DPEP2: variants seen among roughly 807,000 people sequenced by gnomAD.
DPEP2 encodes dipeptidase 2.
DPEP2 carries 45 observed loss-of-function variants against 51.8 expected under a neutral mutation model. The ratio of observed to expected loss-of-function variants is 0.87; its 90% CI spans 0.68 to 1.11. DPEP2 has a LOEUF of 1.11. DPEP2 is among the 50% of genes most tolerant of loss of function. DPEP2 has a pLI of 0.00. For synonymous variants in DPEP2, 255 were observed against 262.7 expected (o/e 0.97, Z 0.28); for missense variants, 604 against 631.9 (o/e 0.96, Z 0.47).
intron 1 of DPEP2, chr16:67,994,218 G>T (rs2032526546): frequency 2.0e-6 from 2 of 985,440 alleles, no homozygotes; most frequent in South Asian, 4.7e-5. Context: ...CCTTGAGGAA[G>T]CCCCGGCCTC....
chr16:67,992,194 C>A lies in DPEP2; in HGVS notation c.391-1G>T, dbSNP rs1467251898. On this transcript the variant is annotated splice_acceptor_variant, in intron 3 of 10. Transcript: ENST00000393847. LOFTEE classifies it high-confidence loss of function. ...GGCATGGCACATAGGCTGACCAGAA[C>A]TGGGGGGAAGGCCAGGGTTTGGCTT... is the stretch of plus-strand genomic sequence containing the variant. 2 of 1,613,846 alleles carry A rather than the reference C, an allele frequency of 1.2e-6. No homozygotes were observed. Among genetic ancestry groups the A allele is most frequent in the South Asian group, 2.2e-5 (2 of 91,066 alleles).
intron 9 of DPEP2, 127 bp from the exon 10 acceptor site, chr16:67,988,114 A>G: frequency 8.5e-7 from 1 of 1,179,364 alleles, no homozygotes; most frequent in African/African-American, 1.5e-5. Context: ...GAGAGTAGGT[A>G]ATTCTCCTCT....
At chr16:67,997,242 A>G (rs1328071334) in intron 1 of DPEP2, among the ~76,000 whole-genome samples, 1 of 151,710 alleles carries the variant, frequency 6.6e-6, no homozygotes, top group Non-Finnish European at 1.5e-5. Flanking sequence ...CATGTTGGCC[A>G]GGCTGGTCTC....
At chr16:67,998,721 G>T (rs1388747206) in intron 1 of DPEP2, among the ~76,000 whole-genome samples, 1 of 152,226 alleles carries the variant, frequency 6.6e-6, no homozygotes, top group Non-Finnish European at 1.5e-5. Flanking sequence ...TCTAGCTCAG[G>T]ATTGTAAATA....
Position 67,987,890 on chromosome 16 carries a change from G to A in DPEP2, c.1168C>T (p.Arg390Cys), listed in dbSNP as rs769539400. The change falls in exon 10 of 11, where the codon CGT becomes TGT. Residue 390 changes from arginine (R) to cysteine (C), a missense_variant. Coordinates refer to ENST00000393847, the MANE Select transcript of DPEP2 (RefSeq NM_022355.4). ...WSEEELQGVLRGNLLRVFRQV... is the reference protein window; with the variant it reads ...WSEEELQGVLCGNLLRVFRQV... ...CTGAAGACCCGCAGCAGGTTTCCAC[G>A]AAGGACACCCTGAAGCTCTTCCTCA... The A allele has an allele frequency of 3.3e-5, 54 of 1,614,002 alleles. No homozygotes were observed. In the South Asian group the frequency reaches 4.2e-4, roughly 12 times the overall value.
intron 1 of DPEP2, chr16:67,993,829 C>T: frequency 2.0e-6 from 2 of 985,550 alleles, no homozygotes; most frequent in Non-Finnish European, 2.4e-6. Context: ...GGACTGGATT[C>T]AGGAAGGGGC....
rs781484778 is a variant in DPEP2, at chr16:67,992,112, G to A, written c.472C>T (p.Arg158Cys). 4.3e-6 allele frequency: 7 copies of A among 1,614,020 alleles called. No homozygotes were observed. Among genetic ancestry groups the A allele is most frequent in the African/African-American group, 2.7e-5 (2 of 74,902 alleles). ...AGCTCAGAATAGGAGGCACACATGC[G>A]GCGTATGAGGTCAATCTGCTCCAGG... ...LTLEQIDLIR[R>C]MCASYSELEL... Residue 158 changes from arginine to cysteine, a missense_variant, in exon 4 of 11, where the codon CGC (arginine) becomes TGC (cysteine). By Grantham distance (180) the Arg-to-Cys change is radical (BLOSUM62 -3). Coordinates refer to ENST00000393847, the MANE Select transcript of DPEP2 (RefSeq NM_022355.4).
chr16:67,990,251 T>G, intron 7 of DPEP2, 120 bp from the exon 8 acceptor site: 1 of 869,646 alleles, frequency 1.1e-6, no homozygotes, highest in Non-Finnish European at 1.8e-6. Flanking sequence ...CAGCAGAAAC[T>G]TCACCTCTCT....
intron 1 of DPEP2, among the ~76,000 whole-genome samples, chr16:67,997,538 A>C (rs569051548): frequency 2.0e-5 from 3 of 151,780 alleles, no homozygotes; most frequent in Non-Finnish European, 4.4e-5. Context: ...TTGTATTTTT[A>C]GTAGAGACGG....
intron 1 of DPEP2, among the ~76,000 whole-genome samples, chr16:67,998,650 G>A (rs1413867111): frequency 6.6e-6 from 1 of 152,266 alleles, no homozygotes; most frequent in Non-Finnish European, 1.5e-5. Context: ...CCTGGTGCGG[G>A]ATCCACTGGG....
intron 2 of DPEP2, 119 bp downstream of exon 2, chr16:67,992,831 G>T: frequency 6.7e-7 from 1 of 1,484,792 alleles, no homozygotes; most frequent in South Asian, 1.3e-5. Context: ...TGCATGACGG[G>T]AGAGAGGGCA....
At chr16:67,996,165 A>G (rs2032680674) in intron 1 of DPEP2, among the ~76,000 whole-genome samples, 1 of 149,818 alleles carries the variant, frequency 6.7e-6, no homozygotes, top group African/African-American at 2.5e-5. Flanking sequence ...CAGCCTCCCG[A>G]GTCTGGGACT....
At chr16:67,988,517 C>T (rs1432149762) in intron 9 of DPEP2, among the ~76,000 whole-genome samples, 1 of 151,726 alleles carries the variant, frequency 6.6e-6, no homozygotes, top group African/African-American at 2.4e-5. Flanking sequence ...GCAGGAGAAT[C>T]GCTGGAACTC....
At chr16:67,993,729 A>T (rs1238124459) in intron 1 of DPEP2, 1 of 986,146 alleles carries the variant, frequency 1.0e-6, no homozygotes, top group East Asian at 1.1e-4. Context: ...CTGTGACCAC[A>T]GTGCTCTGGG....
At position 67,991,228 on chromosome 16, in the gene DPEP2, G is replaced by T. The variant is rs369778129; in HGVS notation, c.663-44C>A. The stretch of plus-strand genomic sequence containing the variant: ...GCAGTCTGACTGGTAGCTGTTCCTC[G>T]GCCTCAAGAGTCTAGAGGCCCTACC... On this transcript the variant is annotated intron_variant, in intron 5 of 10. Transcript: ENST00000393847. The surrounding 1 kb of genome is among the most constrained non-coding windows in gnomAD (Gnocchi z 5.1). The T allele has an allele frequency of 6.2e-7, 1 of 1,602,690 alleles. No individual in the cohort carries two copies. The highest frequency in any genetic ancestry group is 8.5e-7 in the Non-Finnish European group (1 of 1,173,122).
chr16:67,998,212 G>C lies in DPEP2; in HGVS notation c.-46+1163C>G, dbSNP rs1000729893. ...CTCCCTCAGCTTGCAGGGAGGTGTG[G>C]AGGGAGAGGCGCGAGTGGGAACCGG... On this transcript the variant is annotated intron_variant, in intron 1 of 10. Coordinates refer to ENST00000393847, the MANE Select transcript of DPEP2 (RefSeq NM_022355.4). Among the ~76,000 whole-genome samples, 26 of 152,314 alleles carry C rather than the reference G, an allele frequency of 1.7e-4. 1 individual carries two copies. The highest frequency in any genetic ancestry group is 6.3e-4 in the African/African-American group (26 of 41,584).
At position 67,992,074 on chromosome 16, in the gene DPEP2, G is replaced by A. The variant is rs150749878; in HGVS notation, c.510C>T (p.Thr170=). The change falls in exon 4 of 11, where the codon ACC becomes ACT. Residue 170 remains threonine, a synonymous_variant. Transcript: ENST00000393847. The part of the protein sequence containing the change: ...CASYSELELV[T]SAKALNDTQK... ...CATCAACTTGCCTACCTTTAGCCGA[G>A]GTCACAAGCTCCAGCTCAGAATAGG... 3,099 of 1,614,150 alleles carry A rather than the reference G, an allele frequency of 1.9e-3. 2 individuals are homozygous for A. Among genetic ancestry groups the A allele is most frequent in the Admixed American group, 2.5e-3 (153 of 60,016 alleles).
At chr16:67,990,678 G>T in intron 7 of DPEP2, 143 bp downstream of exon 7, 1 of 875,680 alleles carries the variant, frequency 1.1e-6, no homozygotes, top group East Asian at 2.5e-5. Context: ...TGGCCAGGCT[G>T]GTCTTGAACT....
chr16:67,991,209 T>C lies in DPEP2; in HGVS notation c.663-25A>G, dbSNP rs1000888647. On this transcript the variant is annotated intron_variant, in intron 5 of 10. Transcript: ENST00000393847. This position sits in a 1 kb window ranked among gnomAD's most constrained non-coding sequence, Gnocchi z 5.1. ...CCTGCAGGGTGGCCAGGAAGCAGTC[T>C]GACTGGTAGCTGTTCCTCGGCCTCA... The C allele has an allele frequency of 1.9e-6, 3 of 1,611,486 alleles. No homozygotes were observed. In the Admixed American group the frequency reaches 5.0e-5, roughly 27 times the overall value.
Sources: allele counts gnomAD v4.1 joint callset (sites outside exome capture counted in the v4.1 genomes callset), GRCh38; gene constraint gnomAD v4.1.1; non-coding constraint Gnocchi (gnomAD v3.1); transcripts MANE v1.5; gene names NCBI Gene and HGNC (gene_info 2026-07-23, HGNC 2026-07-21).